RPS27A: variants seen among roughly 807,000 people sequenced by gnomAD.
RPS27A encodes the protein ribosomal protein S27a.
RPS27A carries 1 observed loss-of-function variant against 18.9 expected under a neutral mutation model. The ratio of observed to expected loss-of-function variants is 0.05; its 90% confidence interval spans 0.02 to 0.25. RPS27A has a LOEUF of 0.25. Ranked by LOEUF, RPS27A falls within the 10% of genes least tolerant of loss-of-function variation. The probability of loss-of-function intolerance (pLI) is 1.00; values close to 1 mark genes in which losing one functional copy is unlikely to be tolerated. For missense variants in RPS27A, 123 were observed against 187.4 expected (o/e 0.66, Z 2.01); for synonymous variants, 77 against 63.7 (o/e 1.21, Z -0.99).
chr2:55,233,879 C>T (rs2104219486), intron 3 of RPS27A: 2 of 574,298 alleles, frequency 3.5e-6, no homozygotes, highest in South Asian at 2.0e-5. Flanking sequence ...ATCTGCCCAC[C>T]TCGACCTCCC....
At position 55,234,136 on chromosome 2, in the gene RPS27A, C is replaced by A. The variant is rs1323839114; in HGVS notation, c.121C>A (p.Gln41Lys). The A allele has an allele frequency of 6.2e-7, 1 of 1,612,652 alleles. No individual in the cohort carries two copies. Among genetic ancestry groups the A allele is most frequent in the Non-Finnish European group, 8.5e-7 (1 of 1,178,812 alleles). The stretch of plus-strand genomic sequence containing the variant: ...GTCATTAGGAATTCCTCCTGATCAG[C>A]AGAGACTGATCTTTGCTGGCAAGCA... ...QDKEGIPPDQ[Q>K]RLIFAGKQLE... is the part of the protein sequence containing the mutation. Residue 41 changes from glutamine to lysine, a missense_variant, in exon 4 of 6, where the codon CAG becomes AAG. Around this residue, in one of 2 missense-constraint regions of RPS27A, gnomAD observed 66 missense variants for 72.6 expected, o/e 0.91. Transcript: ENST00000272317.
At chr2:55,232,347 G>A (rs1445315806), upstream of RPS27A, 4 of 251,780 alleles carry the variant, frequency 1.6e-5, no homozygotes, top group Non-Finnish European at 2.4e-5. Flanking sequence ...GAAAGCAGTG[G>A]AGAACTACAG....
chr2:55,233,539 G>C, intron 3 of RPS27A, 122 bp downstream of exon 3: 1 of 734,580 alleles, frequency 1.4e-6, no homozygotes, highest in Non-Finnish European at 2.5e-6. Context: ...CGAAATACTT[G>C]TGGAATAACA....
At chr2:55,233,779 C>T (rs895428476) in intron 3 of RPS27A, 4 of 473,360 alleles carry the variant, frequency 8.5e-6, no homozygotes, top group East Asian at 4.2e-5. Context: ...CAGGCGTGCA[C>T]CACCATGCCT....
chr2:55,232,313 T>G (rs1019907205), upstream of RPS27A: 1 of 210,508 alleles, frequency 4.8e-6, no homozygotes, highest in African/African-American at 2.3e-5. Context: ...AACTGCATCT[T>G]GGGACAAGTA....
chr2:55,234,308 G>T, intron 4 of RPS27A, 104 bp downstream of exon 4: 1 of 814,322 alleles, frequency 1.2e-6, no homozygotes, highest in Non-Finnish European at 2.1e-6. Context: ...CACCTAGGGT[G>T]GAGTGAGTGG....
intron 5 of RPS27A, 92 bp downstream of exon 5, chr2:55,235,054 AAACACCC>A: frequency 7.3e-7 from 1 of 1,369,786 alleles, no homozygotes; most frequent in Non-Finnish European, 1.0e-6. Context: ...TCTTGGACTT[AAACACCC>A]AATATTATCC....
intron 2 of RPS27A, chr2:55,233,148 C>T (rs150005663): frequency 0.019 from 12,168 of 649,230 alleles, 135 homozygotes; most frequent in Non-Finnish European, 0.026. Context: ...GGTGCGAGCA[C>T]GTGTGGCCCT....
At chr2:55,233,310 C>T in intron 2 of RPS27A, 53 bp from the exon 3 acceptor site, 2 of 1,414,020 alleles carry the variant, frequency 1.4e-6, no homozygotes, top group Non-Finnish European at 1.0e-6. Context: ...TAAATGAGTT[C>T]TGCTGTAGTT....
At position 55,232,702 on chromosome 2, in the gene RPS27A, A is replaced by G. The variant is rs1395668614; in HGVS notation, c.-24A>G. 11 of 880,308 alleles carry G rather than the reference A, an allele frequency of 1.2e-5. No individual in the cohort carries two copies. Among genetic ancestry groups the G allele is most frequent in the East Asian group, 2.6e-5 (1 of 38,262 alleles). 54.5% of individuals were successfully genotyped at this position (880,308 alleles called of 1,614,324 possible). On this transcript the variant is annotated 5_prime_UTR_variant, in exon 1 of 6. Transcript: ENST00000272317. ...CGGCGTTCTTCCTTTTCGATCCGCC[A>G]TCTGCGGTGGGTGTCTGCACTTCGG...
At chr2:55,232,491 C>G, upstream of RPS27A, 2 of 426,044 alleles carry the variant, frequency 4.7e-6, no homozygotes, top group South Asian at 4.6e-5. Context: ...CTTAAACCTA[C>G]AGTTTCGAAA....
chr2:55,232,601 G>C, upstream of RPS27A: 1 of 602,250 alleles, frequency 1.7e-6, no homozygotes, highest in Admixed American at 2.8e-5. Context: ...CGCTGGGACG[G>C]CAGTCAGGCA....
upstream of RPS27A, chr2:55,232,624 G>C: frequency 1.6e-6 from 1 of 634,358 alleles, no homozygotes; most frequent in Non-Finnish European, 2.9e-6. Flanking sequence ...TGGTGTGGTC[G>C]CCTAAGGGGT....
At chr2:55,233,940 C>T (rs1675652334) in intron 3 of RPS27A, 179 bp from the exon 4 acceptor site, 2 of 661,788 alleles carry the variant, frequency 3.0e-6, no homozygotes, top group Admixed American at 4.6e-5. Flanking sequence ...AAGTATTGTC[C>T]CTAATATTAA....
chr2:55,234,626 G>A (rs898960348), intron 4 of RPS27A: 5 of 623,478 alleles, frequency 8.0e-6, no homozygotes, highest in Admixed American at 5.4e-5. Context: ...TTTGCAAGTT[G>A]TATCCCATGG....
chr2:55,235,256 C>T (rs190781349), intron 5 of RPS27A, 172 bp from the exon 6 acceptor site: 1 of 810,124 alleles, frequency 1.2e-6, no homozygotes, highest in Non-Finnish European at 2.0e-6. Flanking sequence ...CCCAAGACTT[C>T]TGAATGTTTT....
At chr2:55,233,320 TC>T (rs753214185) in intron 2 of RPS27A, 42 bp from the exon 3 acceptor site, 2 of 1,504,018 alleles carry the variant, frequency 1.3e-6, no homozygotes, top group Admixed American at 3.3e-5. Flanking sequence ...CTGCTGTAGT[TC>T]CTTAATGTGT....
At chr2:55,233,231 G>C (rs1445336309) in intron 2 of RPS27A, 132 bp from the exon 3 acceptor site, 10 of 802,380 alleles carry the variant, frequency 1.2e-5, no homozygotes, top group Non-Finnish European at 2.1e-5. Flanking sequence ...TTGCCCACTG[G>C]GTGGGTAATA....
At chr2:55,232,638 T>G (rs534949428), upstream of RPS27A, 2 of 675,998 alleles carry the variant, frequency 3.0e-6, no homozygotes, top group East Asian at 5.5e-5. Context: ...AAGGGGTGGG[T>G]CCTTCGGCGG....
Sources: gnomAD v4.1 joint callset for allele counts on GRCh38, gnomAD v4.1.1 for gene constraint, gnomAD v4.1.1 regional missense constraint, MANE v1.5 for transcripts, NCBI Gene and HGNC (gene_info 2026-07-23, HGNC 2026-07-21) for gene names.